The following MALRD1 variants were observed in gnomAD, a reference collection of about 807,000 sequenced individuals.
The protein encoded by MALRD1 is MAM and LDL-receptor class A domain-containing protein 1.
In MALRD1, 247 loss-of-function variants were observed where a neutral mutation model predicts 242.1. That is an observed-to-expected ratio of 1.02 (90% CI 0.92 to 1.13). The LOEUF (loss-of-function observed/expected upper bound fraction) is 1.13, where lower values mean the gene tolerates loss of function less well. Among genes scored for constraint, MALRD1 ranks in the 50% most tolerant of loss-of-function variants. MALRD1 has a pLI of 0.00. For synonymous variants in MALRD1, 995 were observed against 866.6 expected, an observed-to-expected ratio of 1.15 and a Z score of -2.60; for missense variants, 2,989 against 2,533.1, an observed-to-expected ratio of 1.18 and a Z score of -3.86.
At chr10:19,654,294 T>G (rs376930203) in intron 36 of MALRD1, among the ~76,000 whole-genome samples, 5 of 125,810 alleles carry the variant, frequency 4.0e-5, no homozygotes, top group African/African-American at 1.4e-4. Context: ...AAAAGTGGGG[T>G]TTTTTTTAGC....
chr10:19,602,944 C>T (rs1838433766), intron 34 of MALRD1, among the ~76,000 whole-genome samples: 1 of 152,086 alleles, frequency 6.6e-6, no homozygotes, highest in Non-Finnish European at 1.5e-5. Flanking sequence ...CTCTGATGGC[C>T]AGTGATGATG....
At chr10:19,727,768 A>AT (rs5783695) in intron 38 of MALRD1, among the ~76,000 whole-genome samples, 84,307 of 146,500 alleles carry the variant, frequency 0.58, 24,399 homozygotes, top group Admixed American at 0.65. Flanking sequence ...CAAACATTGC[A>AT]TTTTTTTTTT....
Position 19,297,231 on chromosome 10 carries a change from CATT to C in MALRD1, c.3419+14052_3419+14054del, listed in dbSNP as rs149413323. Among the ~76,000 whole-genome samples the C allele has an allele frequency of 7.8e-3, 1,187 of 151,586 alleles. 12 individuals carry two copies. Among genetic ancestry groups the C allele is most frequent in the African/African-American group, 0.028 (1,139 of 41,366 alleles). On this transcript the variant is annotated intron_variant, in intron 21 of 39. Coordinates refer to ENST00000454679, the MANE Select transcript of MALRD1 (RefSeq NM_001142308.3). ...AAAGTATAAGCATTATTAATGATCT[CATT>C]AGAAATATACAAGTTCTGTGAACTT...
chr10:19,246,680 C>T (rs1329393831), intron 18 of MALRD1, among the ~76,000 whole-genome samples: 2 of 152,080 alleles, frequency 1.3e-5, no homozygotes, highest in African/African-American at 4.8e-5. Context: ...ATATTTACCC[C>T]AGGCATAACT....
chr10:19,649,126 C>G (rs747314335), intron 36 of MALRD1, among the ~76,000 whole-genome samples: 22 of 152,264 alleles, frequency 1.4e-4, no homozygotes, highest in Middle Eastern at 6.8e-3. Flanking sequence ...TTTTCTTTAT[C>G]CAGTCTGTCA....
intron 33 of MALRD1, among the ~76,000 whole-genome samples, chr10:19,574,637 A>G (rs1198655549): frequency 6.6e-6 from 1 of 152,208 alleles, no homozygotes; most frequent in Non-Finnish European, 1.5e-5. Flanking sequence ...GCTGTACCAT[A>G]CTTGTACAAT....
At chr10:19,451,740 G>A (rs1428380751) in intron 29 of MALRD1, among the ~76,000 whole-genome samples, 1 of 152,132 alleles carries the variant, frequency 6.6e-6, no homozygotes, top group African/African-American at 2.4e-5. Flanking sequence ...TTTATGAGTG[G>A]TACTGTTTCA....
At chr10:19,183,282 G>T (rs1263732315) in intron 14 of MALRD1, among the ~76,000 whole-genome samples, 1 of 152,018 alleles carries the variant, frequency 6.6e-6, no homozygotes, top group East Asian at 1.9e-4. Flanking sequence ...ATACAGAGAA[G>T]TAGGAGTCTT....
At chr10:19,612,329 A>C (rs571037578) in intron 35 of MALRD1, among the ~76,000 whole-genome samples, 1 of 151,960 alleles carries the variant, frequency 6.6e-6, no homozygotes, top group Admixed American at 6.6e-5. Flanking sequence ...CCTTACTCTC[A>C]TCTTTGGCAC....
Position 19,509,634 on chromosome 10 carries a change from G to A in MALRD1, c.5320+10988G>A, listed in dbSNP as rs1026612533. Among the ~76,000 whole-genome samples, 5 of 152,254 alleles carry A rather than the reference G, an allele frequency of 3.3e-5. No homozygotes were observed. In the East Asian group the frequency reaches 9.7e-4, roughly 29 times the overall value. On this transcript the variant is annotated intron_variant, in intron 31 of 39. Coordinates refer to ENST00000454679, the MANE Select transcript of MALRD1 (RefSeq NM_001142308.3). ...TATGGAACTCACAAGGTACAGTATC[G>A]AGTCAGCTGAATGATTTGTTCTCTT...
At chr10:19,051,321 T>C (rs1834487533) in intron 1 of MALRD1, 1 of 152,100 alleles carries the variant, frequency 6.6e-6, no homozygotes, top group South Asian at 2.1e-4. Flanking sequence ...AACATCCAAC[T>C]TGTGTGACAT....
intron 21 of MALRD1, among the ~76,000 whole-genome samples, chr10:19,291,930 CA>C (rs1441701954): frequency 4.6e-5 from 7 of 151,314 alleles, no homozygotes; most frequent in Admixed American, 4.6e-4. Context: ...ATTAAAAATG[CA>C]AAAAATTAGT....
chr10:19,619,670 T>G (rs1204040005), intron 36 of MALRD1, among the ~76,000 whole-genome samples: 1 of 152,076 alleles, frequency 6.6e-6, no homozygotes, highest in Non-Finnish European at 1.5e-5. Context: ...GAAACATCTA[T>G]TGTAAAGTGT....
chr10:19,627,058 C>T (rs186470138), intron 36 of MALRD1, among the ~76,000 whole-genome samples: 1 of 151,920 alleles, frequency 6.6e-6, no homozygotes, highest in African/African-American at 2.4e-5. Flanking sequence ...ACGTGGTTAC[C>T]TAAAATTAGT....
intron 4 of MALRD1, among the ~76,000 whole-genome samples, chr10:19,100,917 C>G (rs573313396): frequency 2.6e-5 from 4 of 151,988 alleles, no homozygotes; most frequent in Admixed American, 2.6e-4. Context: ...CAGCTAGGGA[C>G]TATCTCTATG....
chr10:19,217,214 A>G (rs1837357763), intron 18 of MALRD1, among the ~76,000 whole-genome samples: 1 of 152,056 alleles, frequency 6.6e-6, no homozygotes. Context: ...GCTTTCCATG[A>G]TTTATGGAAT....
At chr10:19,487,490 C>G (rs928885809) in intron 29 of MALRD1, among the ~76,000 whole-genome samples, 1 of 149,120 alleles carries the variant, frequency 6.7e-6, no homozygotes, top group Non-Finnish European at 1.5e-5. Context: ...GAAAATAACC[C>G]TTATTTAGAG....
chr10:19,162,282 C>T (rs1357131533), intron 12 of MALRD1, among the ~76,000 whole-genome samples: 2 of 145,068 alleles, frequency 1.4e-5, no homozygotes, highest in Non-Finnish European at 3.1e-5. Context: ...ATCTTTCTTC[C>T]TCTCTTTCCT....
In MALRD1 at chr10:19,263,171, C is replaced by A. The variant is rs577431405; in HGVS notation, c.3079+5400C>A. Among the ~76,000 whole-genome samples the A allele has an allele frequency of 3.3e-4, 51 of 152,260 alleles. No homozygotes were observed. The South Asian group carries it at 9.3e-3, about 28-fold the overall frequency. ...GGATATACACCCAGAACTGGGATTG[C>A]TGGATCATGTGGATAGTTACATTTT... On this transcript the variant is annotated intron_variant, in intron 19 of 39. Transcript: ENST00000454679.
Sources: gnomAD v4.1 joint callset for allele counts (sites outside exome capture counted in the v4.1 genomes callset) on GRCh38, gnomAD v4.1.1 for gene constraint, MANE v1.5 for transcripts, NCBI Gene and HGNC (gene_info 2026-07-23, HGNC 2026-07-21) for gene names.